PDGFC: variants seen among roughly 807,000 people sequenced by gnomAD.
PDGFC encodes platelet-derived growth factor C.
Under a neutral mutation model 35.5 loss-of-function variants are expected in PDGFC, and 12 were observed. The observed-to-expected ratio is 0.34, with a 90% CI of 0.22 to 0.55. The LOEUF is 0.55. Ranked by LOEUF, PDGFC falls within the 20% of genes least tolerant of loss-of-function variation. The pLI, the probability that PDGFC is intolerant of heterozygous loss-of-function variation, is 0.91. For missense variants in PDGFC, 322 were observed against 412.4 expected, an observed-to-expected ratio of 0.78 and a Z score of 1.90; for synonymous variants, 159 against 148.8, an observed-to-expected ratio of 1.07 and a Z score of -0.50.
intron 1 of PDGFC, among the ~76,000 whole-genome samples, chr4:156,882,962 T>C (rs1179927653): frequency 1.3e-5 from 2 of 151,852 alleles, no homozygotes; most frequent in African/African-American, 4.8e-5. Flanking sequence ...CAGACACCTG[T>C]AGTCCCAGCT....
chr4:156,959,244 G>A lies in PDGFC; in HGVS notation c.118+11542C>T, dbSNP rs117717503. On this transcript the variant is annotated intron_variant, in intron 1 of 5. Transcript: ENST00000502773. Reference sequence around the variant, plus strand: ...CAAAATAGCAATAATGGATTTCCACGCACTAAACGAAAACAAACAAATAAA... The same window carrying A: ...CAAAATAGCAATAATGGATTTCCACACACTAAACGAAAACAAACAAATAAA... 3.8e-4 allele frequency among the ~76,000 whole-genome samples: 58 copies of A among 151,944 alleles called. 2 individuals are homozygous for A. The East Asian group carries it at 8.7e-3, about 23-fold the overall frequency.
At position 156,970,847 on chromosome 4, in the gene PDGFC, C is replaced by G. The variant is rs1732575843; in HGVS notation, c.57G>C (p.Gly19=). The G allele has an allele frequency of 6.2e-7, 1 of 1,614,042 alleles. No individual in the cohort carries two copies. The highest frequency in any genetic ancestry group is 1.7e-5 in the Admixed American group (1 of 60,012). ...LTSALAGQRQ[G]TQAESNLSSK... ...TACTCAGGTTGGATTCCGCCTGAGT[C>G]CCCTGTCTCTGGCCGGCCAGGGCAG... Residue 19 remains glycine (G), a synonymous_variant, in exon 1 of 6, where the codon GGG becomes GGC. Coordinates refer to ENST00000502773, the MANE Select transcript of PDGFC (RefSeq NM_016205.3).
At chr4:156,797,763 C>T (rs1040805841) in intron 3 of PDGFC, among the ~76,000 whole-genome samples, 6 of 152,178 alleles carry the variant, frequency 3.9e-5, no homozygotes, top group Non-Finnish European at 5.9e-5. Flanking sequence ...TGGTCACCTG[C>T]GAGCGGTTGA....
chr4:156,880,143 G>A (rs1419144770), intron 1 of PDGFC, among the ~76,000 whole-genome samples: 2 of 152,136 alleles, frequency 1.3e-5, no homozygotes, highest in Non-Finnish European at 2.9e-5. Context: ...CGTCGATGTA[G>A]GTGAAACAGT....
intron 1 of PDGFC, among the ~76,000 whole-genome samples, chr4:156,945,361 A>G (rs1417494382): frequency 2.0e-5 from 2 of 100,642 alleles, no homozygotes; most frequent in African/African-American, 1.2e-4. Flanking sequence ...ATATATATAT[A>G]TATATATATA....
intron 1 of PDGFC, among the ~76,000 whole-genome samples, chr4:156,909,126 G>A (rs886731495): frequency 1.3e-5 from 2 of 152,110 alleles, no homozygotes; most frequent in Admixed American, 1.3e-4. Context: ...CAGCTAACGA[G>A]TATTACTTTT....
At chr4:156,957,533 C>CT (rs1282584133) in intron 1 of PDGFC, among the ~76,000 whole-genome samples, 7 of 151,970 alleles carry the variant, frequency 4.6e-5, no homozygotes. Context: ...ATAGCACTGA[C>CT]TTTTTTTCCT....
chr4:156,859,056 T>G, intron 1 of PDGFC, among the ~76,000 whole-genome samples: 1 of 152,046 alleles, frequency 6.6e-6, no homozygotes. Context: ...CAAAACAAAT[T>G]TACTATTTCA....
chr4:156,829,669 T>G (rs1197405088), intron 2 of PDGFC, among the ~76,000 whole-genome samples: 1 of 152,180 alleles, frequency 6.6e-6, no homozygotes, highest in Non-Finnish European at 1.5e-5. Flanking sequence ...CAGTTTCAAT[T>G]ATATCACTCA....
chr4:156,826,793 T>C (rs1404268984), intron 2 of PDGFC, among the ~76,000 whole-genome samples: 1 of 152,158 alleles, frequency 6.6e-6, no homozygotes, highest in African/African-American at 2.4e-5. Flanking sequence ...AAAGAAAATA[T>C]TTAAACAGCT....
At chr4:156,923,173 G>A (rs968543280) in intron 1 of PDGFC, among the ~76,000 whole-genome samples, 1 of 151,980 alleles carries the variant, frequency 6.6e-6, no homozygotes, top group South Asian at 2.1e-4. Context: ...CTCTCCAGTT[G>A]ATCCACTCTG....
chr4:156,883,934 T>A (rs2111177363), intron 1 of PDGFC, among the ~76,000 whole-genome samples: 2 of 152,270 alleles, frequency 1.3e-5, no homozygotes, highest in South Asian at 2.1e-4. Flanking sequence ...AAGATAAAGG[T>A]CTCTGGTCAC....
At chr4:156,825,391 A>C (rs1732416291) in intron 2 of PDGFC, among the ~76,000 whole-genome samples, 1 of 150,900 alleles carries the variant, frequency 6.6e-6, no homozygotes, top group South Asian at 2.1e-4. Flanking sequence ...TCTACCAAAA[A>C]AAAAAAAAAA....
At chr4:156,790,040 T>C (rs371050085) in intron 3 of PDGFC, among the ~76,000 whole-genome samples, 2 of 141,754 alleles carry the variant, frequency 1.4e-5, no homozygotes, top group East Asian at 4.1e-4. Flanking sequence ...GGCAAGAACA[T>C]GGAATTTTAA....
chr4:156,823,181 C>G (rs896776540), intron 2 of PDGFC, among the ~76,000 whole-genome samples: 1 of 152,110 alleles, frequency 6.6e-6, no homozygotes, highest in Non-Finnish European at 1.5e-5. Flanking sequence ...GAGCTGAGCA[C>G]ATCACCTGTG....
intron 1 of PDGFC, among the ~76,000 whole-genome samples, chr4:156,950,925 A>T (rs1732065449): frequency 6.6e-6 from 1 of 151,916 alleles, no homozygotes; most frequent in Admixed American, 6.6e-5. Context: ...CACTTATTGA[A>T]TCTTTCAATT....
At chr4:156,774,970 A>G (rs916043113) in intron 3 of PDGFC, among the ~76,000 whole-genome samples, 1 of 152,192 alleles carries the variant, frequency 6.6e-6, no homozygotes, top group Admixed American at 6.5e-5. Context: ...CTTAATTTCA[A>G]TAATGTCAAG....
intron 1 of PDGFC, among the ~76,000 whole-genome samples, chr4:156,948,546 A>G (rs1367690693): frequency 6.6e-6 from 1 of 151,972 alleles, no homozygotes; most frequent in Non-Finnish European, 1.5e-5. Flanking sequence ...AGAAAATGCT[A>G]TTTGTATTTG....
In PDGFC at chr4:156,807,842, C is replaced by T. The variant is rs374212418; in HGVS notation, c.495+2995G>A. Among the ~76,000 whole-genome samples, 10 of 151,948 alleles carry T rather than the reference C, an allele frequency of 6.6e-5. No individual in the cohort carries two copies. In the East Asian group the frequency reaches 1.7e-3, roughly 26 times the overall value. On this transcript the variant is annotated intron_variant, in intron 3 of 5. Coordinates refer to ENST00000502773, the MANE Select transcript of PDGFC (RefSeq NM_016205.3). ...TGATTAAACTCACTTAAAATTTTTT[C>T]TGTATAGTAATGCATGCAAAATATT...
Sources: gnomAD v4.1 joint callset for allele counts (sites outside exome capture counted in the v4.1 genomes callset) on GRCh38, gnomAD v4.1.1 for gene constraint, MANE v1.5 for transcripts, NCBI Gene and HGNC (gene_info 2026-07-23, HGNC 2026-07-21) for gene names.